The following U2SURP variants were observed in gnomAD, a reference collection of about 807,000 sequenced individuals.
U2SURP encodes U2 snRNP associated SURP domain containing.
Under a neutral mutation model 144.9 loss-of-function variants are expected in U2SURP, and 9 were observed. The observed-to-expected ratio is 0.06, with a 90% confidence interval of 0.04 to 0.11. The LOEUF (loss-of-function observed/expected upper bound fraction) is 0.11, where lower values mean the gene tolerates loss of function less well. U2SURP is among the 10% of genes least tolerant of loss of function. The pLI is 1.00. For synonymous variants in U2SURP, 408 were observed against 396.8 expected, an observed-to-expected ratio of 1.03 and a Z score of -0.33; for missense variants, 724 against 1,226.7, an observed-to-expected ratio of 0.59 and a Z score of 6.12.
At chr3:143,003,701 T>G (rs1935664761) in intron 1 of U2SURP, among the ~76,000 whole-genome samples, 1 of 116,936 alleles carries the variant, frequency 8.6e-6, no homozygotes, top group Non-Finnish European at 1.7e-5. Flanking sequence ...TTTTTTTTTT[T>G]GTGAAAGAGT....
At chr3:143,041,451 G>A (rs1934100585) in intron 23 of U2SURP, among the ~76,000 whole-genome samples, 2 of 151,902 alleles carry the variant, frequency 1.3e-5, no homozygotes, top group Admixed American at 6.6e-5. Context: ...AGTTGTACCT[G>A]TATGGTGATA....
chr3:143,021,412 C>T (rs186875359), intron 9 of U2SURP, 27 bp downstream of exon 9: 134 of 1,606,404 alleles, frequency 8.3e-5, no homozygotes, highest in Admixed American at 4.9e-4. Flanking sequence ...CTCTTTTAAT[C>T]GATAAATTTT....
At position 143,001,646 on chromosome 3, in the gene U2SURP, A is replaced by C. The variant is rs370308369; in HGVS notation, c.18A>C (p.Pro6=). 4 of 1,613,934 alleles carry C rather than the reference A, an allele frequency of 2.5e-6. No homozygotes were observed. Among genetic ancestry groups the C allele is most frequent in the African/African-American group, 2.7e-5 (2 of 74,948 alleles). MADKT[P]GGSQKASSKT... ...AGCTCAAGATGGCGGACAAAACGCC[A>C]GGCGGATCTCAGAAGGCCAGTTCAA... The change falls in exon 1 of 28, where the codon CCA becomes CCC. Residue 6 remains proline, a synonymous_variant. Transcript: ENST00000473835.
chr3:143,033,232 T>A (rs1381372181), intron 17 of U2SURP, 39 bp from the exon 18 acceptor site: 1 of 1,243,896 alleles, frequency 8.0e-7, no homozygotes. Flanking sequence ...AACATTAGCC[T>A]TATATTAACC....
At chr3:143,052,202 C>T (rs1233214815) in intron 25 of U2SURP, among the ~76,000 whole-genome samples, 1 of 152,134 alleles carries the variant, frequency 6.6e-6, no homozygotes, top group Non-Finnish European at 1.5e-5. Context: ...CAAGACCAGC[C>T]TGACCAGCAT....
At chr3:143,004,234 T>A (rs1935700707) in intron 1 of U2SURP, among the ~76,000 whole-genome samples, 1 of 152,152 alleles carries the variant, frequency 6.6e-6, no homozygotes, top group Admixed American at 6.6e-5. Context: ...GGATGCTTAT[T>A]ATATTTCTAG....
chr3:143,017,765 A>G (rs1402010743), intron 6 of U2SURP, among the ~76,000 whole-genome samples: 1 of 152,016 alleles, frequency 6.6e-6, no homozygotes. Context: ...GACTACAGGC[A>G]ATGTAGTCCC....
intron 5 of U2SURP, 96 bp from the exon 6 acceptor site, chr3:143,016,746 C>A: frequency 1.8e-6 from 2 of 1,106,734 alleles, no homozygotes; most frequent in Non-Finnish European, 1.2e-6. Context: ...CATCTTAATA[C>A]TAAAAGCATT....
intron 16 of U2SURP, among the ~76,000 whole-genome samples, chr3:143,029,741 C>G (rs1933369124): frequency 6.6e-6 from 1 of 152,218 alleles, no homozygotes; most frequent in African/African-American, 2.4e-5. Context: ...TGGCTGAAAG[C>G]TAGGCCTCTT....
chr3:143,034,136 G>C (rs1002990392), intron 18 of U2SURP, among the ~76,000 whole-genome samples: 75 of 152,278 alleles, frequency 4.9e-4, no homozygotes, highest in African/African-American at 1.8e-3. Flanking sequence ...GGGCACAGTG[G>C]CTCACGCCTG....
chr3:143,035,774 A>G (rs1361192939), intron 19 of U2SURP, among the ~76,000 whole-genome samples: 1 of 151,974 alleles, frequency 6.6e-6, no homozygotes, highest in Non-Finnish European at 1.5e-5. Context: ...CATTATATTT[A>G]TTTTTAGGGG....
At chr3:143,011,506 G>A (rs771551412) in intron 2 of U2SURP, among the ~76,000 whole-genome samples, 23 of 151,884 alleles carry the variant, frequency 1.5e-4, no homozygotes, top group Non-Finnish European at 2.4e-4. Context: ...CACCATTTTG[G>A]CATTTGCACT....
chr3:143,051,151 G>T (rs1164381632), intron 25 of U2SURP, 102 bp downstream of exon 25: 4 of 687,098 alleles, frequency 5.8e-6, no homozygotes, highest in African/African-American at 5.6e-5. Context: ...TATATCCTTT[G>T]TATAAATTTT....
At chr3:143,048,319 A>G (rs1044596635) in intron 24 of U2SURP, among the ~76,000 whole-genome samples, 5 of 152,208 alleles carry the variant, frequency 3.3e-5, no homozygotes, top group African/African-American at 1.2e-4. Context: ...TAAAATGATT[A>G]TCTTAGGAAT....
chr3:143,020,261 C>T (rs6440128), intron 7 of U2SURP, among the ~76,000 whole-genome samples: 56,393 of 152,066 alleles, frequency 0.37, 12,629 homozygotes, highest in African/African-American at 0.64. Context: ...AATTGATTTA[C>T]TTAATGTCCA....
chr3:143,006,004 A>G (rs375643985), intron 1 of U2SURP, among the ~76,000 whole-genome samples: 3 of 152,306 alleles, frequency 2.0e-5, no homozygotes, highest in African/African-American at 7.2e-5. Flanking sequence ...TGCTGAAATA[A>G]CGTTTTTGAA....
intron 2 of U2SURP, among the ~76,000 whole-genome samples, chr3:143,011,356 A>G (rs557948448): frequency 5.1e-4 from 78 of 152,300 alleles, no homozygotes; most frequent in African/African-American, 1.9e-3. Context: ...TACTACAATA[A>G]GTATTTTTTT....
chr3:143,040,140 G>A (rs761015792), intron 23 of U2SURP, among the ~76,000 whole-genome samples: 4 of 151,736 alleles, frequency 2.6e-5, no homozygotes, highest in African/African-American at 9.7e-5. Context: ...AATTTAGGGG[G>A]AAGGAAGGGT....
At chr3:143,016,788 A>G (rs1936390211) in intron 5 of U2SURP, 54 bp from the exon 6 acceptor site, 1 of 1,427,904 alleles carries the variant, frequency 7.0e-7, no homozygotes, top group Non-Finnish European at 9.3e-7. Flanking sequence ...TAAATAAAAC[A>G]GTAAAGAAAA....
Sources: allele counts gnomAD v4.1 joint callset (sites outside exome capture counted in the v4.1 genomes callset), GRCh38; gene constraint gnomAD v4.1.1; transcripts MANE v1.5; gene names NCBI Gene and HGNC (gene_info 2026-07-23, HGNC 2026-07-21).